Variants in DLGAP2 observed in about 807,000 individuals in gnomAD.
DLGAP2 encodes the protein disks large-associated protein 2.
DLGAP2 carries 26 observed loss-of-function variants against 100.3 expected under a neutral mutation model. That is an observed-to-expected ratio of 0.26 (90% CI 0.19 to 0.36). The LOEUF is 0.36. Among genes scored for constraint, DLGAP2 ranks in the 10% least tolerant of loss-of-function variants. The pLI, the probability that DLGAP2 is intolerant of heterozygous loss-of-function variation, is 1.00. For missense variants in DLGAP2, 1,858 were observed against 1,453.2 expected, an observed-to-expected ratio of 1.28 and a Z score of -4.53; for synonymous variants, 886 against 630.1, an observed-to-expected ratio of 1.41 and a Z score of -6.08.
chr8:1,591,257 A>T (rs992105757), intron 6 of DLGAP2, among the ~76,000 whole-genome samples: 1 of 151,818 alleles, frequency 6.6e-6, no homozygotes, highest in Non-Finnish European at 1.5e-5. Flanking sequence ...ATTACAGGGA[A>T]GGGAGGTTAG....
intron 8 of DLGAP2, among the ~76,000 whole-genome samples, chr8:1,656,152 C>T (rs906685767): frequency 2.0e-5 from 3 of 152,154 alleles, no homozygotes; most frequent in Non-Finnish European, 4.4e-5. Context: ...GGTGAAACCC[C>T]ATCTTTACTA....
At chr8:1,188,749 G>C (rs891364218) in intron 2 of DLGAP2, among the ~76,000 whole-genome samples, 5 of 152,240 alleles carry the variant, frequency 3.3e-5, no homozygotes, top group Non-Finnish European at 5.9e-5. Context: ...TGAGATGTCA[G>C]CGTCTGGAAA....
intron 3 of DLGAP2, among the ~76,000 whole-genome samples, chr8:1,466,459 G>T (rs1322722378): frequency 1.3e-5 from 2 of 151,788 alleles, no homozygotes; most frequent in African/African-American, 4.8e-5. Flanking sequence ...TGGCTCAAAA[G>T]GGAATTTTTT....
chr8:1,160,427 A>T (rs1022071848), intron 2 of DLGAP2, among the ~76,000 whole-genome samples: 3 of 152,156 alleles, frequency 2.0e-5, no homozygotes, highest in African/African-American at 7.2e-5. Flanking sequence ...GTGAGTGTGC[A>T]CGTGTGCATA....
At chr8:1,554,668 G>A (rs1457203102) in intron 5 of DLGAP2, among the ~76,000 whole-genome samples, 1 of 152,124 alleles carries the variant, frequency 6.6e-6, no homozygotes, top group Non-Finnish European at 1.5e-5. Flanking sequence ...CCTGTATCCT[G>A]CAGCGTTCCA....
At chr8:1,614,872 C>T (rs1236367440) in intron 6 of DLGAP2, among the ~76,000 whole-genome samples, 1 of 152,250 alleles carries the variant, frequency 6.6e-6, no homozygotes, top group Non-Finnish European at 1.5e-5. Context: ...CACACACACA[C>T]ACGCATGCCC....
chr8:795,917 A>G (rs74567238), intron 1 of DLGAP2, among the ~76,000 whole-genome samples: 3,348 of 8,956 alleles, frequency 0.37, 383 homozygotes, highest in Admixed American at 0.47. Flanking sequence ...TCCAGTGAGA[A>G]CAGGCGTCCA....
At chr8:1,009,211 C>T (rs1801208014) in intron 2 of DLGAP2, among the ~76,000 whole-genome samples, 1 of 152,184 alleles carries the variant, frequency 6.6e-6, no homozygotes, top group South Asian at 2.1e-4. Flanking sequence ...CCAGTTCTGT[C>T]CCCCAAAACT....
At chr8:1,303,248 C>T (rs1056086351) in intron 3 of DLGAP2, among the ~76,000 whole-genome samples, 8 of 151,932 alleles carry the variant, frequency 5.3e-5, no homozygotes, top group Non-Finnish European at 8.8e-5. Flanking sequence ...ATACAAAAAA[C>T]TAGCCGGGCG....
chr8:1,685,169 G>A (rs1799082233), intron 12 of DLGAP2, among the ~76,000 whole-genome samples: 1 of 151,294 alleles, frequency 6.6e-6, no homozygotes. Context: ...CACCCCGGCA[G>A]TTGGCACTCA....
intron 3 of DLGAP2, among the ~76,000 whole-genome samples, chr8:1,311,033 A>T (rs531884291): frequency 3.9e-4 from 60 of 152,170 alleles, no homozygotes; most frequent in African/African-American, 1.4e-3. Context: ...CAAACCTTGA[A>T]TGACACTGAC....
At chr8:1,474,323 A>T (rs1021607679) in intron 3 of DLGAP2, among the ~76,000 whole-genome samples, 2 of 152,080 alleles carry the variant, frequency 1.3e-5, no homozygotes, top group Non-Finnish European at 2.9e-5. Flanking sequence ...TGTGATTGTG[A>T]ATTGTGCTGC....
chr8:760,959 G>A lies in DLGAP2; in HGVS notation c.18+23134G>A, dbSNP rs572172244. Among the ~76,000 whole-genome samples the A allele has an allele frequency of 2.4e-4, 37 of 152,276 alleles. 1 individual carries two copies. The highest frequency in any genetic ancestry group is 4.6e-4 in the Admixed American group (7 of 15,298). On this transcript the variant is annotated intron_variant, in intron 1 of 14. Coordinates refer to ENST00000637795, the MANE Select transcript of DLGAP2 (RefSeq NM_001346810.2). ...GAGAGGAAGAATATTCCAATTTTGCGAGTGGGTGGTAGTTTCCAGGCTCAT... is the reference window on the plus strand; with the variant it reads ...GAGAGGAAGAATATTCCAATTTTGCAAGTGGGTGGTAGTTTCCAGGCTCAT...
chr8:744,530 G>A (rs1041635527), intron 1 of DLGAP2, among the ~76,000 whole-genome samples: 1 of 151,512 alleles, frequency 6.6e-6, no homozygotes, highest in Non-Finnish European at 1.5e-5. Context: ...TGCTCCCCAC[G>A]GTCACTCCCT....
chr8:1,616,715 A>T (rs868845306), intron 6 of DLGAP2, among the ~76,000 whole-genome samples: 1 of 152,222 alleles, frequency 6.6e-6, no homozygotes, highest in African/African-American at 2.4e-5. Context: ...TAACTTAAAT[A>T]CATGTATCCA....
At chr8:1,510,402 C>T (rs1353366669) in intron 4 of DLGAP2, among the ~76,000 whole-genome samples, 1 of 152,200 alleles carries the variant, frequency 6.6e-6, no homozygotes, top group Non-Finnish European at 1.5e-5. Flanking sequence ...CGTATTGTTG[C>T]ATCCTCTGAA....
chr8:809,486 G>A lies in DLGAP2; in HGVS notation c.18+71661G>A, dbSNP rs573093525. Among the ~76,000 whole-genome samples the A allele has an allele frequency of 1.1e-3, 155 of 146,832 alleles. 1 individual carries two copies. Among genetic ancestry groups the A allele is most frequent in the Middle Eastern group, 3.5e-3 (1 of 282 alleles). Reference sequence around the variant, plus strand: ...TTTTTTTTTTTGTGGCTAATTTCATGCAGCCTGATATCTTAGGCACTTTCA... The same window carrying A: ...TTTTTTTTTTTGTGGCTAATTTCATACAGCCTGATATCTTAGGCACTTTCA... On this transcript the variant is annotated intron_variant, in intron 1 of 14. Transcript: ENST00000637795.
rs1395068969 is a variant in DLGAP2, at chr8:737,905, A to G, written c.18+80A>G. 7.4e-5 allele frequency: 27 copies of G among 363,440 alleles called. No homozygotes were observed. In the South Asian group the frequency reaches 2.9e-3, roughly 39 times the overall value. 22.5% of individuals were successfully genotyped at this position (363,440 alleles called of 1,614,324 possible). A position where few individuals can be genotyped will look rare whatever the true frequency, so the allele number is the denominator to read the frequency against. On this transcript the variant is annotated intron_variant, in intron 1 of 14. Coordinates refer to ENST00000637795, the MANE Select transcript of DLGAP2 (RefSeq NM_001346810.2). ...AGGCGGGGAGGGCGCGGTGTGTCGG[A>G]CCCGCGGGGACGCCCCGAGGGCGTC...
chr8:1,459,655 C>G (rs1299574671), intron 3 of DLGAP2, among the ~76,000 whole-genome samples: 1 of 151,500 alleles, frequency 6.6e-6, no homozygotes, highest in African/African-American at 2.4e-5. Context: ...ATCCAGCACC[C>G]TCTCTGGCAT....
Sources: allele counts gnomAD v4.1 joint callset (sites outside exome capture counted in the v4.1 genomes callset), GRCh38; gene constraint gnomAD v4.1.1; transcripts MANE v1.5; gene names NCBI Gene and HGNC (gene_info 2026-07-23, HGNC 2026-07-21).